The following FAR2 variants were observed in gnomAD, a reference collection of about 807,000 sequenced individuals.
FAR2 encodes fatty acyl-CoA reductase 2.
A neutral mutation model predicts 56.0 loss-of-function variants in FAR2; 19 were observed. The observed-to-expected ratio is 0.34, with a 90% confidence interval of 0.24 to 0.50. The LOEUF (loss-of-function observed/expected upper bound fraction) is 0.50, where lower values mean the gene tolerates loss of function less well. Ranked by LOEUF, FAR2 falls within the 20% of genes least tolerant of loss-of-function variation. The pLI is 0.98. For missense variants in FAR2, 508 were observed against 642.2 expected (o/e 0.79, Z 2.26); for synonymous variants, 219 against 218.8 (o/e 1.00, Z -0.01).
intron 5 of FAR2, among the ~76,000 whole-genome samples, chr12:29,308,719 C>CATATATATATATATATAT (rs71042985): frequency 1.5e-5 from 2 of 132,326 alleles, no homozygotes; most frequent in South Asian, 2.4e-4. Flanking sequence ...CACACACACA[C>CATATATATATATATATAT]ATATATATAT....
At chr12:29,269,644 T>G (rs1444510329) in intron 1 of FAR2, among the ~76,000 whole-genome samples, 2 of 152,252 alleles carry the variant, frequency 1.3e-5, no homozygotes, top group Admixed American at 6.5e-5. Flanking sequence ...ACAGGCATAA[T>G]AAATTATAAA....
At chr12:29,197,254 G>A (rs1359755733) in intron 1 of FAR2, among the ~76,000 whole-genome samples, 2 of 152,156 alleles carry the variant, frequency 1.3e-5, no homozygotes, top group Non-Finnish European at 2.9e-5. Flanking sequence ...GACTGGCTAT[G>A]TTCATTTAGA....
intron 11 of FAR2, 169 bp downstream of exon 11, chr12:29,332,896 A>C (rs1382329096): frequency 1.4e-6 from 1 of 714,284 alleles, no homozygotes; most frequent in African/African-American, 1.7e-5. Flanking sequence ...AGACTTCACC[A>C]CACCTCTATG....
chr12:29,244,253 T>C (rs1948089290), intron 1 of FAR2, among the ~76,000 whole-genome samples: 1 of 152,224 alleles, frequency 6.6e-6, no homozygotes, highest in African/African-American at 2.4e-5. Context: ...CAGGAAAGAA[T>C]GTGCCAATGA....
At chr12:29,300,283 C>T (rs1041789805) in intron 4 of FAR2, among the ~76,000 whole-genome samples, 2 of 152,118 alleles carry the variant, frequency 1.3e-5, no homozygotes, top group Non-Finnish European at 2.9e-5. Flanking sequence ...TCTTCTTAAA[C>T]TTTGAATGAA....
chr12:29,150,791 C>T (rs1249546633), intron 1 of FAR2, among the ~76,000 whole-genome samples: 2 of 152,200 alleles, frequency 1.3e-5, no homozygotes, highest in Admixed American at 1.3e-4. Flanking sequence ...CTGAGGGCTG[C>T]TTCTGCCCCT....
chr12:29,272,220 A>C (rs1160392352), intron 2 of FAR2, among the ~76,000 whole-genome samples: 1 of 152,124 alleles, frequency 6.6e-6, no homozygotes, highest in African/African-American at 2.4e-5. Context: ...ATATCCTAAA[A>C]TGTGTTTTCC....
At chr12:29,188,578 A>G (rs556651461) in intron 1 of FAR2, among the ~76,000 whole-genome samples, 1 of 152,306 alleles carries the variant, frequency 6.6e-6, no homozygotes, top group South Asian at 2.1e-4. Context: ...ATCTTAATAT[A>G]CCATGGTACA....
intron 1 of FAR2, among the ~76,000 whole-genome samples, chr12:29,269,704 C>T (rs192089669): frequency 6.6e-5 from 10 of 152,330 alleles, no homozygotes; most frequent in South Asian, 4.1e-4. Flanking sequence ...TCACAATCCA[C>T]GTTCTTCTGC....
intron 1 of FAR2, among the ~76,000 whole-genome samples, chr12:29,189,681 T>G (rs1221008465): frequency 6.6e-6 from 1 of 152,228 alleles, no homozygotes; most frequent in Non-Finnish European, 1.5e-5. Flanking sequence ...TCCATCTGTA[T>G]CTACATTAAA....
chr12:29,186,137 A>G (rs986470952), intron 1 of FAR2, among the ~76,000 whole-genome samples: 6 of 152,198 alleles, frequency 3.9e-5, no homozygotes, highest in African/African-American at 1.4e-4. Context: ...TATCATTTCA[A>G]TATGTAATCA....
chr12:29,154,142 T>C (rs961107630), intron 1 of FAR2, among the ~76,000 whole-genome samples: 4 of 152,192 alleles, frequency 2.6e-5, no homozygotes, highest in African/African-American at 9.7e-5. Flanking sequence ...AGCACATAGA[T>C]GGAATATGGT....
intron 2 of FAR2, among the ~76,000 whole-genome samples, chr12:29,278,900 G>C (rs749989547): frequency 6.6e-6 from 1 of 152,040 alleles, no homozygotes; most frequent in African/African-American, 2.4e-5. Flanking sequence ...TGCTGGTTGG[G>C]TTTTTATTTT....
At chr12:29,212,865 G>C (rs909592372) in intron 1 of FAR2, among the ~76,000 whole-genome samples, 3 of 152,120 alleles carry the variant, frequency 2.0e-5, no homozygotes, top group Non-Finnish European at 2.9e-5. Flanking sequence ...GAATGCCCTT[G>C]GGCATGTTTC....
intron 4 of FAR2, among the ~76,000 whole-genome samples, chr12:29,299,036 A>G (rs981942698): frequency 6.6e-6 from 1 of 152,034 alleles, no homozygotes; most frequent in Non-Finnish European, 1.5e-5. Flanking sequence ...CAACATGGTG[A>G]AACCCTGTCT....
chr12:29,258,326 G>C (rs1948361787), intron 1 of FAR2, among the ~76,000 whole-genome samples: 1 of 152,210 alleles, frequency 6.6e-6, no homozygotes, highest in African/African-American at 2.4e-5. Context: ...CTGCACTCCA[G>C]TCTGGGTGAC....
Position 29,333,710 on chromosome 12 carries a change from G to A in FAR2, c.1464G>A (p.Met488Ile). Residue 488 changes from methionine to isoleucine, a missense_variant, in exon 12 of 12, where the codon ATG (methionine) becomes ATA (isoleucine). By Grantham distance (10) the Met-to-Ile change is conservative. Coordinates refer to ENST00000536681, the MANE Select transcript of FAR2 (RefSeq NM_001271783.2). ...GCCTTCTCATTGCAAGATCTCAGATGGCTCGGAATGTCTGGTTCTTCATTG... is the reference window on the plus strand; with the variant it reads ...GCCTTCTCATTGCAAGATCTCAGATAGCTCGGAATGTCTGGTTCTTCATTG... ...AWRLLIARSQ[M>I]ARNVWFFIVS... is the part of the protein sequence containing the mutation. 6.2e-7 allele frequency: 1 copy of A among 1,613,790 alleles called. No homozygotes were observed. Among genetic ancestry groups the A allele is most frequent in the Non-Finnish European group, 8.5e-7 (1 of 1,179,762 alleles).
rs148676644 is a variant in FAR2, at chr12:29,296,914, G to A, written c.366-107G>A. ...CCTTCTCTTCCTGGTGTTTTGGTGCGGCCACCAAAATCTGATAGGTATGCC... is the reference window on the plus strand; with the variant it reads ...CCTTCTCTTCCTGGTGTTTTGGTGCAGCCACCAAAATCTGATAGGTATGCC... On this transcript the variant is annotated intron_variant, in intron 3 of 11. Coordinates refer to ENST00000536681, the MANE Select transcript of FAR2 (RefSeq NM_001271783.2). 1.4e-5 allele frequency: 14 copies of A among 991,110 alleles called. 1 individual carries two copies. Among genetic ancestry groups the A allele is most frequent in the Middle Eastern group, 2.3e-4 (1 of 4,264 alleles). The allele number at this position is 991,110 out of a possible 1,614,324, so 61.4% of individuals were successfully genotyped here.
rs992129485 is a variant in FAR2 at position 29,334,046 on chromosome 12, T to C, written c.*252T>C. On this transcript the variant is annotated 3_prime_UTR_variant, in exon 12 of 12. Transcript: ENST00000536681. The stretch of plus-strand genomic sequence containing the variant: ...TTTCCTAACATTCTATTTTATGCCC[T>C]TGCGTATTAAACGTGAAAGTACTCC... 1.2e-5 allele frequency: 4 copies of C among 335,424 alleles called. No individual in the cohort carries two copies. The highest frequency in any genetic ancestry group is 2.2e-5 in the Non-Finnish European group (4 of 184,936). The allele number at this position is 335,424 out of a possible 1,614,324, so 20.8% of individuals were successfully genotyped here.
Sources: gnomAD v4.1 joint callset for allele counts (sites outside exome capture counted in the v4.1 genomes callset) on GRCh38, gnomAD v4.1.1 for gene constraint, MANE v1.5 for transcripts, NCBI Gene and HGNC (gene_info 2026-07-23, HGNC 2026-07-21) for gene names.